VEPH1: variants seen among roughly 807,000 people sequenced by gnomAD.
VEPH1 encodes the protein ventricular zone-expressed PH domain-containing protein homolog 1.
In VEPH1, 80 loss-of-function variants were observed where a neutral mutation model predicts 85.2. That is an observed-to-expected ratio of 0.94 (90% CI 0.78 to 1.13). VEPH1 has a LOEUF of 1.13. Ranked by LOEUF, VEPH1 falls within the 50% of genes most tolerant of loss-of-function variation. VEPH1 has a pLI of 0.00. For missense variants in VEPH1, 955 were observed against 980.5 expected (o/e 0.97, Z 0.35); for synonymous variants, 297 against 348.0 (o/e 0.85, Z 1.63).
intron 9 of VEPH1, among the ~76,000 whole-genome samples, chr3:157,362,589 G>A (rs1374766847): frequency 6.6e-6 from 1 of 152,092 alleles, no homozygotes; most frequent in Non-Finnish European, 1.5e-5. Flanking sequence ...TACTCATTCA[G>A]TAGAAACCAT....
intron 11 of VEPH1, 115 bp from the exon 12 acceptor site, chr3:157,286,789 A>G (rs932238563): frequency 7.3e-6 from 6 of 821,600 alleles, no homozygotes; most frequent in Non-Finnish European, 1.2e-5. Context: ...TCTCAGTACT[A>G]AAGACTAAGA....
chr3:157,407,233 T>G (rs894230741), intron 6 of VEPH1, among the ~76,000 whole-genome samples: 5 of 152,050 alleles, frequency 3.3e-5, no homozygotes, highest in Non-Finnish European at 5.9e-5. Context: ...GGGTTTAACT[T>G]AAACCACTTC....
At chr3:157,275,912 GC>G (rs1715335378) in intron 12 of VEPH1, among the ~76,000 whole-genome samples, 2 of 152,064 alleles carry the variant, frequency 1.3e-5, no homozygotes, top group Admixed American at 1.3e-4. Flanking sequence ...CAGAGGATAT[GC>G]AAAAAGAGGG....
At chr3:157,297,971 C>T (rs1445486394) in intron 11 of VEPH1, among the ~76,000 whole-genome samples, 3 of 151,938 alleles carry the variant, frequency 2.0e-5, no homozygotes, top group African/African-American at 7.3e-5. Flanking sequence ...ATGAGGTACC[C>T]AGGCCCTGAT....
chr3:157,263,496 T>C (rs911748644), intron 13 of VEPH1, among the ~76,000 whole-genome samples: 21 of 152,256 alleles, frequency 1.4e-4, no homozygotes, highest in African/African-American at 5.1e-4. Context: ...TTTCTATTCT[T>C]GATTTCTTGA....
At chr3:157,386,274 A>AAAAAAAAATT (rs1560018710) in intron 6 of VEPH1, among the ~76,000 whole-genome samples, 1 of 149,902 alleles carries the variant, frequency 6.7e-6, no homozygotes, top group African/African-American at 2.5e-5. Flanking sequence ...AAAAAAAAAA[A>AAAAAAAAATT]GTGGTTAGTT....
At chr3:157,384,380 T>G (rs1729075707) in intron 6 of VEPH1, among the ~76,000 whole-genome samples, 1 of 152,226 alleles carries the variant, frequency 6.6e-6, no homozygotes, top group Non-Finnish European at 1.5e-5. Flanking sequence ...CCTACTAAGA[T>G]GTAATTTAAA....
intron 4 of VEPH1, among the ~76,000 whole-genome samples, chr3:157,449,630 C>T (rs1734808922): frequency 6.6e-6 from 1 of 152,180 alleles, no homozygotes; most frequent in Admixed American, 6.5e-5. Context: ...CAACAACTCC[C>T]ATTTTCTTCT....
intron 3 of VEPH1, among the ~76,000 whole-genome samples, chr3:157,461,854 A>G (rs1377416377): frequency 1.3e-5 from 2 of 152,052 alleles, no homozygotes; most frequent in Non-Finnish European, 1.5e-5. Context: ...CGATGGCCTC[A>G]GAGTAGGCAA....
At chr3:157,303,160 T>G (rs535543836) in intron 11 of VEPH1, among the ~76,000 whole-genome samples, 24 of 152,342 alleles carry the variant, frequency 1.6e-4, no homozygotes, top group African/African-American at 5.5e-4. Flanking sequence ...CTTCCTTTTT[T>G]GTTTTTGTTT....
intron 6 of VEPH1, among the ~76,000 whole-genome samples, chr3:157,397,025 G>A (rs1439579777): frequency 6.6e-6 from 1 of 152,168 alleles, no homozygotes; most frequent in Admixed American, 6.5e-5. Flanking sequence ...ACTATGTCCT[G>A]ACTGATATTA....
intron 11 of VEPH1, among the ~76,000 whole-genome samples, chr3:157,295,764 G>A (rs773148253): frequency 6.6e-6 from 1 of 152,128 alleles, no homozygotes; most frequent in Non-Finnish European, 1.5e-5. Flanking sequence ...AGACCAGCCT[G>A]GCCAACATGG....
chr3:157,283,996 T>A (rs143264309), intron 12 of VEPH1, among the ~76,000 whole-genome samples: 330 of 152,260 alleles, frequency 2.2e-3, no homozygotes, highest in African/African-American at 7.7e-3. Context: ...CATAGTACAT[T>A]CTAGGCGCTA....
At chr3:157,389,517 C>T (rs1248786513) in intron 6 of VEPH1, among the ~76,000 whole-genome samples, 2 of 151,992 alleles carry the variant, frequency 1.3e-5, no homozygotes, top group African/African-American at 4.8e-5. Flanking sequence ...ACTTTGTAAC[C>T]CCAAATCAAT....
chr3:157,351,551 T>A (rs948416072), intron 9 of VEPH1, among the ~76,000 whole-genome samples: 2 of 152,144 alleles, frequency 1.3e-5, no homozygotes, highest in African/African-American at 4.8e-5. Flanking sequence ...CAATCACAAA[T>A]TCATTGTCTT....
intron 6 of VEPH1, 26 bp from the exon 7 acceptor site, chr3:157,381,402 G>GTTTATCTTT: frequency 6.2e-7 from 1 of 1,610,048 alleles, no homozygotes; most frequent in South Asian, 1.1e-5. Context: ...AAGAAAATAG[G>GTTTATCTTT]TTTATCTTTT....
intron 4 of VEPH1, among the ~76,000 whole-genome samples, chr3:157,428,711 CTAAT>C (rs1732930448): frequency 6.6e-6 from 1 of 152,136 alleles, no homozygotes; most frequent in Non-Finnish European, 1.5e-5. Context: ...GCACCATTAA[CTAAT>C]GAAAAATTTT....
At chr3:157,307,242 G>A (rs1376807586) in intron 11 of VEPH1, among the ~76,000 whole-genome samples, 3 of 151,622 alleles carry the variant, frequency 2.0e-5, no homozygotes, top group Non-Finnish European at 3.0e-5. Flanking sequence ...TTCTAAACAG[G>A]TATACCTATT....
At chr3:157,301,485 C>T (rs923884083) in intron 11 of VEPH1, among the ~76,000 whole-genome samples, 3 of 152,168 alleles carry the variant, frequency 2.0e-5, no homozygotes, top group Non-Finnish European at 4.4e-5. Flanking sequence ...ACAATCCCCC[C>T]ACTTACCAAC....
Sources: allele counts gnomAD v4.1 joint callset (sites outside exome capture counted in the v4.1 genomes callset), GRCh38; gene constraint gnomAD v4.1.1; transcripts MANE v1.5; gene names NCBI Gene and HGNC (gene_info 2026-07-23, HGNC 2026-07-21).